Variants in CMSS1 observed in about 807,000 individuals in gnomAD.
CMSS1 encodes the protein cms1 ribosomal small subunit homolog, also known as protein CMSS1.
Under a neutral mutation model 43.5 loss-of-function variants are expected in CMSS1, and 33 were observed. That is an observed-to-expected ratio of 0.76 (90% CI 0.57 to 1.01). The LOEUF (loss-of-function observed/expected upper bound fraction) is 1.01, where lower values mean the gene tolerates loss of function less well. CMSS1 is among the 50% of genes least tolerant of loss of function. The probability of loss-of-function intolerance (pLI) is 0.00; values close to 1 mark genes in which losing one functional copy is unlikely to be tolerated. For missense variants in CMSS1, 313 were observed against 326.4 expected (o/e 0.96, Z 0.32); for synonymous variants, 115 against 117.2 (o/e 0.98, Z 0.12).
intron 1 of CMSS1, among the ~76,000 whole-genome samples, chr3:99,832,472 C>T (rs1470820291): frequency 6.8e-6 from 1 of 147,798 alleles, no homozygotes; most frequent in Non-Finnish European, 1.5e-5. Flanking sequence ...CCTCATGATC[C>T]GCCCGCCTTG....
At chr3:99,902,333 T>C (rs1314268180) in intron 1 of CMSS1, among the ~76,000 whole-genome samples, 1 of 152,182 alleles carries the variant, frequency 6.6e-6, no homozygotes, top group Non-Finnish European at 1.5e-5. Flanking sequence ...TGAATAGATA[T>C]CTGTTGAATT....
chr3:100,176,537 C>A, intron 9 of CMSS1, 122 bp downstream of exon 9: 1 of 633,928 alleles, frequency 1.6e-6, no homozygotes, highest in Non-Finnish European at 2.8e-6. Flanking sequence ...TGATTTCTAT[C>A]TTTTTTAACT....
chr3:100,175,404 G>A (rs2067140898), intron 8 of CMSS1, among the ~76,000 whole-genome samples: 1 of 152,178 alleles, frequency 6.6e-6, no homozygotes, highest in East Asian at 1.9e-4. Context: ...ATAATATTAT[G>A]CTCAGTTTCA....
chr3:100,130,614 T>A (rs1295980417), intron 1 of CMSS1, among the ~76,000 whole-genome samples: 1 of 152,046 alleles, frequency 6.6e-6, no homozygotes, highest in East Asian at 1.9e-4. Flanking sequence ...CCACCTAGAG[T>A]ACGAACTAGC....
At chr3:100,105,675 T>A (rs184327715) in intron 1 of CMSS1, among the ~76,000 whole-genome samples, 17 of 152,292 alleles carry the variant, frequency 1.1e-4, no homozygotes, top group African/African-American at 3.8e-4. Flanking sequence ...AAAGGTGGTC[T>A]GGAAAGTAGA....
intron 1 of CMSS1, chr3:99,924,163 G>C: frequency 7.7e-7 from 1 of 1,305,890 alleles, no homozygotes; most frequent in Non-Finnish European, 1.1e-6. Flanking sequence ...TTGTATCCCT[G>C]AGACCTGGTA....
intron 4 of CMSS1, among the ~76,000 whole-genome samples, chr3:100,164,314 TA>T (rs1309681768): frequency 6.6e-6 from 1 of 152,156 alleles, no homozygotes; most frequent in African/African-American, 2.4e-5. Flanking sequence ...AACTTGAACT[TA>T]GGAAGGATTT....
chr3:100,065,675 C>T (rs1370478442), intron 1 of CMSS1, among the ~76,000 whole-genome samples: 3 of 111,188 alleles, frequency 2.7e-5, no homozygotes, highest in African/African-American at 9.0e-5. Flanking sequence ...AGCTGAGGTG[C>T]AAATGACACT....
chr3:100,133,004 A>G (rs916234195), intron 1 of CMSS1, among the ~76,000 whole-genome samples: 18 of 152,196 alleles, frequency 1.2e-4, no homozygotes, highest in African/African-American at 4.3e-4. Context: ...AATTGACCCA[A>G]AAGCTTGTGG....
intron 1 of CMSS1, among the ~76,000 whole-genome samples, chr3:100,084,895 T>C (rs1213076328): frequency 6.6e-6 from 1 of 152,236 alleles, no homozygotes; most frequent in Non-Finnish European, 1.5e-5. Context: ...GTTAGGGAAT[T>C]ATAAATGAAG....
intron 1 of CMSS1, among the ~76,000 whole-genome samples, chr3:99,839,119 T>C (rs916341186): frequency 3.3e-5 from 5 of 152,152 alleles, no homozygotes; most frequent in African/African-American, 1.2e-4. Flanking sequence ...CCCCATCCTG[T>C]ATCCCCTGCT....
chr3:99,953,502 A>T (rs959863665), intron 1 of CMSS1, among the ~76,000 whole-genome samples: 16 of 152,186 alleles, frequency 1.1e-4, no homozygotes, highest in African/African-American at 3.4e-4. Flanking sequence ...GGAAGGTGGC[A>T]GTTGATCTGT....
chr3:99,882,781 T>C (rs760181476), intron 1 of CMSS1, among the ~76,000 whole-genome samples: 59 of 152,246 alleles, frequency 3.9e-4, no homozygotes, highest in Non-Finnish European at 6.3e-4. Context: ...ACCTAGCTTA[T>C]ACTAACTGCA....
chr3:99,988,551 G>GA (rs1709423548), intron 1 of CMSS1, among the ~76,000 whole-genome samples: 1 of 144,536 alleles, frequency 6.9e-6, no homozygotes, highest in Non-Finnish European at 1.5e-5. Context: ...GAAAAAAAAA[G>GA]AAAGTCTGAA....
At chr3:100,046,929 G>A (rs1408163417) in intron 1 of CMSS1, among the ~76,000 whole-genome samples, 1 of 152,132 alleles carries the variant, frequency 6.6e-6, no homozygotes, top group Non-Finnish European at 1.5e-5. Context: ...TGAGTAATTA[G>A]GTAGAGGGAA....
At chr3:99,920,164 G>A (rs1488640871) in intron 1 of CMSS1, among the ~76,000 whole-genome samples, 3 of 152,098 alleles carry the variant, frequency 2.0e-5, no homozygotes, top group African/African-American at 7.2e-5. Context: ...TTTAGTTGTT[G>A]TTTCAAGACC....
chr3:99,973,117 G>A (rs865859031), intron 1 of CMSS1, among the ~76,000 whole-genome samples: 25 of 152,214 alleles, frequency 1.6e-4, no homozygotes, highest in Middle Eastern at 3.4e-3. Context: ...GCAAAATGAG[G>A]CCACCTGAAT....
At chr3:100,003,145 C>T (rs1709891044) in intron 1 of CMSS1, among the ~76,000 whole-genome samples, 1 of 152,198 alleles carries the variant, frequency 6.6e-6, no homozygotes, top group South Asian at 2.1e-4. Context: ...CTGTGTTTCT[C>T]TCCTTTTCCT....
At chr3:99,818,490 C>T (rs932261392) in intron 1 of CMSS1, among the ~76,000 whole-genome samples, 3 of 152,172 alleles carry the variant, frequency 2.0e-5, no homozygotes, top group Non-Finnish European at 4.4e-5. Flanking sequence ...ATAATGATAA[C>T]AATAATGTCC....
Sources: allele counts gnomAD v4.1 joint callset (sites outside exome capture counted in the v4.1 genomes callset), GRCh38; gene constraint gnomAD v4.1.1; transcripts MANE v1.5; gene names NCBI Gene and HGNC (gene_info 2026-07-23, HGNC 2026-07-21).